The following DUXA variants were observed in gnomAD, a reference collection of about 807,000 sequenced individuals.
DUXA encodes the protein double homeobox A, also known as double homeobox protein A.
A neutral mutation model predicts 27.5 loss-of-function variants in DUXA; 25 were observed. The ratio of observed to expected loss-of-function variants is 0.91; its 90% confidence interval spans 0.66 to 1.27. DUXA has a LOEUF of 1.27. Ranked by LOEUF, DUXA falls within the 50% of genes most tolerant of loss-of-function variation. The pLI, the probability that DUXA is intolerant of heterozygous loss-of-function variation, is 0.00. For synonymous variants in DUXA, 90 were observed against 80.5 expected (o/e 1.12, Z -0.63); for missense variants, 247 against 242.9 (o/e 1.02, Z -0.11).
At chr19:57,165,318 AAAAAAAAT>A (rs1310929543) in intron 1 of DUXA, among the ~76,000 whole-genome samples, 8 of 97,082 alleles carry the variant, frequency 8.2e-5, no homozygotes, top group South Asian at 3.2e-4. Flanking sequence ...GGAAAAAAAA[AAAAAAAAT>A]ATATATATAT....
At chr19:57,160,407 C>T (rs1462935121) in intron 2 of DUXA, among the ~76,000 whole-genome samples, 1 of 152,258 alleles carries the variant, frequency 6.6e-6, no homozygotes, top group Non-Finnish European at 1.5e-5. Context: ...GCTCAAGTAT[C>T]TCCTTCTCTG....
At chr19:57,166,335 G>C (rs984555514) in intron 1 of DUXA, among the ~76,000 whole-genome samples, 8 of 152,138 alleles carry the variant, frequency 5.3e-5, no homozygotes, top group Non-Finnish European at 1.2e-4. Context: ...TTTTGAGATG[G>C]AGTCTCGCTC....
chr19:57,165,754 G>A (rs1005988980), intron 1 of DUXA, among the ~76,000 whole-genome samples: 14 of 137,552 alleles, frequency 1.0e-4, no homozygotes, highest in South Asian at 2.5e-4. Context: ...GCAGTGAGCC[G>A]AGATCGCGCC....
intron 3 of DUXA, among the ~76,000 whole-genome samples, chr19:57,158,803 C>G (rs4801201): frequency 2.0e-5 from 3 of 151,946 alleles, no homozygotes; most frequent in African/African-American, 4.8e-5. Context: ...ACCAATATGG[C>G]GAAACCTCGT....
At chr19:57,160,549 C>A in intron 2 of DUXA, 94 bp downstream of exon 2, 6 of 1,431,350 alleles carry the variant, frequency 4.2e-6, no homozygotes, top group Non-Finnish European at 5.7e-6. Flanking sequence ...CCCTACCAAG[C>A]CCTCAGCACA....
chr19:57,163,864 T>C (rs1230191153), intron 1 of DUXA, among the ~76,000 whole-genome samples: 1 of 152,216 alleles, frequency 6.6e-6, no homozygotes, highest in African/African-American at 2.4e-5. Flanking sequence ...TATCTTACAT[T>C]TTGAATGGCT....
intron 4 of DUXA, among the ~76,000 whole-genome samples, chr19:57,157,520 G>A (rs950053581): frequency 1.3e-5 from 2 of 151,726 alleles, no homozygotes; most frequent in Non-Finnish European, 2.9e-5. Context: ...TTGTAGAGAT[G>A]GGGTTTCACC....
At chr19:57,157,269 G>A (rs1947744762) in intron 4 of DUXA, among the ~76,000 whole-genome samples, 1 of 152,150 alleles carries the variant, frequency 6.6e-6, no homozygotes, top group African/African-American at 2.4e-5. Flanking sequence ...GATGTGTCAG[G>A]AATGAATCCT....
In DUXA at chr19:57,165,325, ATATATATAT is replaced by A. The variant is rs998737784; in HGVS notation, c.25+2085_25+2093del. The stretch of plus-strand genomic sequence containing the variant: ...CTGGAGTAGGAAAAAAAAAAAAAAA[ATATATATAT>A]ATATATATATGTATATATATATATT... On this transcript the variant is annotated intron_variant, in intron 1 of 5. Transcript: ENST00000554048. Among the ~76,000 whole-genome samples the A allele has an allele frequency of 2.7e-5, 2 of 73,630 alleles. 1 individual carries two copies. Among genetic ancestry groups the A allele is most frequent in the Non-Finnish European group, 5.8e-5 (2 of 34,616 alleles). 48.3% of individuals were successfully genotyped at this position (73,630 alleles called of 152,430 possible).
chr19:57,154,567 CT>C (rs201840017), intron 5 of DUXA, 85 bp from the exon 6 acceptor site: 149,635 of 747,720 alleles, frequency 0.2, 9 homozygotes, highest in South Asian at 0.27. Flanking sequence ...CCCACCTTTT[CT>C]TTTTTTTTTT....
intron 1 of DUXA, among the ~76,000 whole-genome samples, chr19:57,165,324 A>AAAAATATATATATATATATATAT (rs1491567041): frequency 1.1e-5 from 1 of 89,286 alleles, no homozygotes; most frequent in Non-Finnish European, 2.3e-5. Context: ...AAAAAAAAAA[A>AAAAATATATATATATATATATAT]ATATATATAT....
intron 2 of DUXA, 78 bp downstream of exon 2, chr19:57,160,565 A>C (rs1347339614): frequency 6.5e-7 from 1 of 1,528,448 alleles, no homozygotes. Context: ...GCACATGGGT[A>C]CATAGTATGG....
chr19:57,167,297 C>T, intron 1 of DUXA, 122 bp downstream of exon 1: 2 of 1,250,154 alleles, frequency 1.6e-6, no homozygotes, highest in South Asian at 1.3e-5. Flanking sequence ...CGGTTTTCCC[C>T]TATCCAGATA....
At chr19:57,164,746 A>G (rs1165848031) in intron 1 of DUXA, among the ~76,000 whole-genome samples, 1 of 152,212 alleles carries the variant, frequency 6.6e-6, no homozygotes, top group East Asian at 1.9e-4. Context: ...TTTTCCAGAC[A>G]AGCATCCTAT....
At position 57,159,224 on chromosome 19, in the gene DUXA, C is replaced by G; in HGVS notation, c.235G>C (p.Glu79Gln). 1 of 1,614,200 alleles carries G rather than the reference C, an allele frequency of 6.2e-7. No individual in the cohort carries two copies. The highest frequency in any genetic ancestry group is 8.5e-7 in the Non-Finnish European group (1 of 1,180,038). Residue 79 changes from glutamate to glutamine, a missense_variant, in exon 3 of 6, where the codon GAG becomes CAG. Physicochemically the swap from Glu to Gln is conservative, Grantham distance 29. Transcript: ENST00000554048. ...RHGFQKRPEA[E>Q]TLESSQSQGQ... ...TGGCTCTGGCTTGATTCTAAAGTCT[C>G]AGCTTCTGGTCTTTTCTGGAATCCG...
chr19:57,155,691 C>T (rs374629697), intron 4 of DUXA, among the ~76,000 whole-genome samples: 5 of 28,934 alleles, frequency 1.7e-4, no homozygotes, highest in East Asian at 2.8e-3. Context: ...TTTTTTAATA[C>T]GGAGTCTCAC....
rs76730371 is a variant in DUXA, at chr19:57,159,338, G to C, written c.181-60C>G. 3.7e-3 allele frequency: 5,490 copies of C among 1,467,154 alleles called. 155 individuals carry two copies. In the African/African-American group the frequency reaches 0.064, roughly 17 times the overall value. The allele number at this position is 1,467,154 out of a possible 1,614,324, so 90.9% of individuals were successfully genotyped here. A position where few individuals can be genotyped will look rare whatever the true frequency, so the allele number is the denominator to read the frequency against. On this transcript the variant is annotated intron_variant, in intron 2 of 5. Transcript: ENST00000554048. ...TTAATGTCATTTAAGCTACATCACTGCCTGTTCCCAAAGTGAGCAATTCTT... is the reference window on the plus strand; with the variant it reads ...TTAATGTCATTTAAGCTACATCACTCCCTGTTCCCAAAGTGAGCAATTCTT...
intron 3 of DUXA, among the ~76,000 whole-genome samples, 180 bp downstream of exon 3, chr19:57,158,983 CAATA>C (rs2087006661): frequency 2.0e-5 from 3 of 152,116 alleles, no homozygotes; most frequent in South Asian, 2.1e-4. Flanking sequence ...GACTCCATCT[CAATA>C]AATAAATAAG....
At chr19:57,160,153 A>C (rs2087012975) in intron 2 of DUXA, among the ~76,000 whole-genome samples, 1 of 152,244 alleles carries the variant, frequency 6.6e-6, no homozygotes, top group East Asian at 1.9e-4. Flanking sequence ...AGTCCCAGCT[A>C]TCTGGGAAGC....
Sources: allele counts gnomAD v4.1 joint callset (sites outside exome capture counted in the v4.1 genomes callset), GRCh38; gene constraint gnomAD v4.1.1; transcripts MANE v1.5; gene names NCBI Gene and HGNC (gene_info 2026-07-23, HGNC 2026-07-21).